The following MED21 variants were observed in gnomAD, a reference collection of about 807,000 sequenced individuals.
The protein encoded by MED21 is mediator complex subunit 21.
In MED21, 9 loss-of-function variants were observed where a neutral mutation model predicts 18.2. That is an observed-to-expected ratio of 0.49 (90% CI 0.30 to 0.86). The LOEUF (loss-of-function observed/expected upper bound fraction) is 0.86, where lower values mean the gene tolerates loss of function less well. Ranked by LOEUF, MED21 falls within the 40% of genes least tolerant of loss-of-function variation. The pLI, the probability that MED21 is intolerant of heterozygous loss-of-function variation, is 0.07. For missense variants in MED21, 150 were observed against 170.9 expected, an observed-to-expected ratio of 0.88 and a Z score of 0.68; for synonymous variants, 73 against 60.5, an observed-to-expected ratio of 1.21 and a Z score of -0.96.
downstream of MED21, among the ~76,000 whole-genome samples, chr12:27,035,583 C>A: frequency 1.0e-5 from 1 of 97,140 alleles, no homozygotes; most frequent in African/African-American, 4.0e-5. Flanking sequence ...TGCTATCCCT[C>A]CCCCCTCCCC....
intron 3 of MED21, 71 bp downstream of exon 3, chr12:27,027,518 C>A: frequency 9.1e-7 from 1 of 1,103,458 alleles, no homozygotes; most frequent in Non-Finnish European, 1.4e-6. Context: ...AGATTTAGTA[C>A]CTTTTGTCTG....
At chr12:27,026,978 G>A (rs1164110778) in intron 2 of MED21, among the ~76,000 whole-genome samples, 1 of 152,104 alleles carries the variant, frequency 6.6e-6, no homozygotes, top group Admixed American at 6.5e-5. Flanking sequence ...ACCTAGGCTG[G>A]AGTGCAGTGA....
chr12:27,035,136 G>A (rs1013962518), downstream of MED21, among the ~76,000 whole-genome samples: 1 of 152,120 alleles, frequency 6.6e-6, no homozygotes, highest in Non-Finnish European at 1.5e-5. Context: ...AGCCTGGGAG[G>A]TACAGGCTGC....
chr12:27,022,665 A>C, intron 1 of MED21, 44 bp downstream of exon 1: 1 of 1,610,984 alleles, frequency 6.2e-7, no homozygotes, highest in Non-Finnish European at 8.5e-7. Context: ...CTCTTTCTTG[A>C]GGTAAAGCAA....
chr12:27,022,822 G>A, intron 1 of MED21: 1 of 1,501,468 alleles, frequency 6.7e-7, no homozygotes. Flanking sequence ...AGGTGCGGGA[G>A]GGAGCAGACT....
rs1941545549 is a variant in MED21, at chr12:27,026,429, C to A, written c.52C>A (p.Gln18Lys). 2 of 1,610,792 alleles carry A rather than the reference C, an allele frequency of 1.2e-6. No homozygotes were observed. Among genetic ancestry groups the A allele is most frequent in the African/African-American group, 1.3e-5 (1 of 74,796 alleles). Residue 18 changes from glutamine to lysine, a missense_variant, in exon 2 of 4, where the codon CAG becomes AAG. Coordinates refer to ENST00000282892, the MANE Select transcript of MED21 (RefSeq NM_004264.5). Reference protein sequence around the residue: ...LQDAVNSLADQFCNAIGVLQQ... With the variant: ...LQDAVNSLADKFCNAIGVLQQ... Reference sequence around the variant, plus strand: ...TTTTCTTTGGCCTAAGCTTGCAGATCAGTTTTGTAATGCCATTGGAGTATT... The same window carrying A: ...TTTTCTTTGGCCTAAGCTTGCAGATAAGTTTTGTAATGCCATTGGAGTATT...
At chr12:27,026,645 T>C (rs1941548890) in intron 2 of MED21, 111 bp downstream of exon 2, 1 of 783,436 alleles carries the variant, frequency 1.3e-6, no homozygotes, top group South Asian at 1.6e-5. Context: ...ATTATTGTTG[T>C]TTGAGAATAT....
In MED21 at chr12:27,030,531, GAATAA is replaced by G. The variant is rs2136492251; in HGVS notation, c.*2073_*2077del. ...TCAGGTAACCCAGGAACGAGAAACA[GAATAA>G]AACAATAGTAAACCTAAATTTTATT... On this transcript the variant is annotated 3_prime_UTR_variant, in exon 4 of 4. Coordinates refer to ENST00000282892, the MANE Select transcript of MED21 (RefSeq NM_004264.5). 4.2e-6 allele frequency: 1 copy of G among 239,160 alleles called. No homozygotes were observed. Among genetic ancestry groups the G allele is most frequent in the East Asian group, 7.8e-5 (1 of 12,762 alleles). 14.8% of individuals were successfully genotyped at this position (239,160 alleles called of 1,614,324 possible).
At chr12:27,033,178 A>G (rs190689040), downstream of MED21, among the ~76,000 whole-genome samples, 652 of 152,246 alleles carry the variant, frequency 4.3e-3, 6 homozygotes, top group African/African-American at 0.015. Context: ...GCTGCTATAT[A>G]TAGCAAAATA....
downstream of MED21, among the ~76,000 whole-genome samples, chr12:27,031,377 T>C (rs193034510): frequency 1.3e-5 from 2 of 152,178 alleles, no homozygotes; most frequent in African/African-American, 2.4e-5. Flanking sequence ...GAGTAAGTTA[T>C]GTATAATAAT....
downstream of MED21, among the ~76,000 whole-genome samples, chr12:27,035,216 A>AT (rs1941642417): frequency 1.3e-5 from 2 of 152,196 alleles, no homozygotes; most frequent in Non-Finnish European, 2.9e-5. Flanking sequence ...GTCTCAAACA[A>AT]AATAAAAACA....
chr12:27,035,975 A>G (rs1941647300), intron 2 of MED21, among the ~76,000 whole-genome samples: 1 of 152,128 alleles, frequency 6.6e-6, no homozygotes, highest in Admixed American at 6.5e-5. Flanking sequence ...GGCTGGGTCA[A>G]ATGGTATTTG....
chr12:27,029,327 A>G lies in MED21; in HGVS notation c.*866A>G, dbSNP rs1941586296. 1.0e-6 allele frequency: 1 copy of G among 985,356 alleles called. No homozygotes were observed. The highest frequency in any genetic ancestry group is 1.2e-6 in the Non-Finnish European group (1 of 829,898). 61.0% of individuals were successfully genotyped at this position (985,356 alleles called of 1,614,324 possible). ...CAGTTACTTGGCATCATTTCACCTC[A>G]GTTTATTATTGCCAAATAATAATTT... On this transcript the variant is annotated 3_prime_UTR_variant, in exon 4 of 4. Coordinates refer to ENST00000282892, the MANE Select transcript of MED21 (RefSeq NM_004264.5).
chr12:27,023,133 G>A (rs1941495511), intron 1 of MED21, among the ~76,000 whole-genome samples: 1 of 151,938 alleles, frequency 6.6e-6, no homozygotes, highest in African/African-American at 2.4e-5. Flanking sequence ...GCTGAGGTGA[G>A]GTGAGAGATT....
Position 27,029,898 on chromosome 12 carries a change from T to C in MED21, c.*1437T>C, listed in dbSNP as rs1941595873. On this transcript the variant is annotated 3_prime_UTR_variant, in exon 4 of 4. Coordinates refer to ENST00000282892, the MANE Select transcript of MED21 (RefSeq NM_004264.5). ...AGACATTTTTCAAATGAGGGAAAAC[T>C]AACAGGATTTATCACTAGTAAACCT... 3 of 850,860 alleles carry C rather than the reference T, an allele frequency of 3.5e-6. No individual in the cohort carries two copies. The highest frequency in any genetic ancestry group is 4.4e-6 in the Non-Finnish European group (3 of 675,978). 52.7% of individuals were successfully genotyped at this position (850,860 alleles called of 1,614,324 possible).
At position 27,029,927 on chromosome 12, in the gene MED21, C is replaced by T. The variant is rs1306280864; in HGVS notation, c.*1466C>T. On this transcript the variant is annotated 3_prime_UTR_variant, in exon 4 of 4. Coordinates refer to ENST00000282892, the MANE Select transcript of MED21 (RefSeq NM_004264.5). ...AGGATTTATCACTAGTAAACCTGCT[C>T]TAAAAGAATTCAAGGGAAGCTTTTT... 4.3e-6 allele frequency: 2 copies of T among 470,358 alleles called. No individual in the cohort carries two copies. The highest frequency in any genetic ancestry group is 5.6e-6 in the Non-Finnish European group (2 of 359,602). 29.1% of individuals were successfully genotyped at this position (470,358 alleles called of 1,614,324 possible). A position where few individuals can be genotyped will look rare whatever the true frequency, so the allele number is the denominator to read the frequency against.
downstream of MED21, among the ~76,000 whole-genome samples, chr12:27,032,291 G>T (rs1195008460): frequency 1.3e-5 from 2 of 152,134 alleles, no homozygotes; most frequent in Non-Finnish European, 2.9e-5. Context: ...ATTTCAACTT[G>T]GGGGCTGGGC....
rs1285519671 is a variant in MED21 at position 27,029,516 on chromosome 12, CTG to C, written c.*1057_*1058del. On this transcript the variant is annotated 3_prime_UTR_variant, in exon 4 of 4. Transcript: ENST00000282892. ...TATGCTGAGCTACATTTGCTGCAATCTGTTGCTATTCAGAGTTTAAGTTTCAG... is the reference window on the plus strand; with the variant it reads ...TATGCTGAGCTACATTTGCTGCAATCTTGCTATTCAGAGTTTAAGTTTCAG... 2 of 985,270 alleles carry C rather than the reference CTG, an allele frequency of 2.0e-6. No individual in the cohort carries two copies. Among genetic ancestry groups the C allele is most frequent in the Admixed American group, 6.2e-5 (1 of 16,260 alleles). 61.0% of individuals were successfully genotyped at this position (985,270 alleles called of 1,614,324 possible).
intron 1 of MED21, among the ~76,000 whole-genome samples, chr12:27,023,300 CT>C (rs71437317): frequency 2.4e-4 from 26 of 110,398 alleles, no homozygotes; most frequent in South Asian, 1.2e-3. Flanking sequence ...TTTTTCTTTT[CT>C]TTTTTTTTTT....
Sources: gnomAD v4.1 joint callset for allele counts (sites outside exome capture counted in the v4.1 genomes callset) on GRCh38, gnomAD v4.1.1 for gene constraint, MANE v1.5 for transcripts, NCBI Gene and HGNC (gene_info 2026-07-23, HGNC 2026-07-21) for gene names.